MDGA2: variants seen among roughly 807,000 people sequenced by gnomAD.
MDGA2 encodes MAM domain-containing glycosylphosphatidylinositol anchor protein 2.
MDGA2 carries 40 observed loss-of-function variants against 117.8 expected under a neutral mutation model. The observed-to-expected ratio is 0.34, with a 90% CI of 0.26 to 0.44. The LOEUF is 0.44. MDGA2 is among the 20% of genes least tolerant of loss of function. The pLI, the probability that MDGA2 is intolerant of heterozygous loss-of-function variation, is 1.00. For missense variants in MDGA2, 1,123 were observed against 1,250.6 expected (o/e 0.90, Z 1.54); for synonymous variants, 452 against 439.0 (o/e 1.03, Z -0.37).
rs927974025 is a variant in MDGA2 at position 47,175,136 on chromosome 14, C to T, written c.596-30862G>A. 3.3e-5 allele frequency among the ~76,000 whole-genome samples: 5 copies of T among 151,622 alleles called. No homozygotes were observed. The East Asian group carries it at 5.8e-4, about 18-fold the overall frequency. ...TCTCTGAATAGACCAATAACAGGCT[C>T]TGAAATTGTGGCAATAATCAATAGC... On this transcript the variant is annotated intron_variant, in intron 3 of 16. Transcript: ENST00000399232.
At chr14:47,343,151 T>C in intron 1 of MDGA2, 1 of 1,166,120 alleles carries the variant, frequency 8.6e-7, no homozygotes, top group Non-Finnish European at 1.1e-6. Flanking sequence ...GAGGTTACTT[T>C]GAGGACTAAT....
chr14:47,328,337 G>A (rs539683868), intron 1 of MDGA2, among the ~76,000 whole-genome samples: 10 of 152,150 alleles, frequency 6.6e-5, no homozygotes, highest in Admixed American at 5.2e-4. Context: ...TACTAACTCA[G>A]GGAAACTTTA....
intron 9 of MDGA2, among the ~76,000 whole-genome samples, chr14:46,936,283 C>T (rs1351542594): frequency 6.6e-6 from 1 of 151,950 alleles, no homozygotes; most frequent in Non-Finnish European, 1.5e-5. Flanking sequence ...AATCAGAGAA[C>T]AGATATACAC....
intron 1 of MDGA2, among the ~76,000 whole-genome samples, chr14:47,609,428 CATATATATATATATATATATATAT>C (rs3040345): frequency 0.18 from 3,160 of 17,590 alleles, 557 homozygotes; most frequent in African/African-American, 0.37. Flanking sequence ...AGTATTCCAT[CATATATATATATATATATATATAT>C]ATATATATAT....
intron 8 of MDGA2, among the ~76,000 whole-genome samples, chr14:46,993,052 G>A (rs1594504774): frequency 6.6e-6 from 1 of 151,056 alleles, no homozygotes; most frequent in South Asian, 2.1e-4. Flanking sequence ...GTTATTCATT[G>A]TAAATAGTTA....
chr14:47,380,060 T>C (rs931007883), intron 1 of MDGA2, among the ~76,000 whole-genome samples: 6 of 152,176 alleles, frequency 3.9e-5, no homozygotes, highest in Non-Finnish European at 7.3e-5. Context: ...AACCCAGGAT[T>C]GAGAAACTCA....
chr14:46,928,391 T>C (rs571562313), intron 9 of MDGA2, among the ~76,000 whole-genome samples: 2 of 152,228 alleles, frequency 1.3e-5, no homozygotes, highest in South Asian at 2.1e-4. Flanking sequence ...TAAAAGGAAG[T>C]CTTGCCCAGT....
chr14:47,058,866 TAGCCACACTTAGAAC>T (rs1460957122), intron 7 of MDGA2: 6 of 985,398 alleles, frequency 6.1e-6, no homozygotes, highest in Non-Finnish European at 7.2e-6. Flanking sequence ...GCCATCCGTG[TAGCCACACTTAGAAC>T]AGCCCCAAAT....
intron 8 of MDGA2, among the ~76,000 whole-genome samples, chr14:47,013,790 A>ATATC (rs1566574677): frequency 3.8e-5 from 5 of 133,104 alleles, no homozygotes; most frequent in Admixed American, 7.6e-5. Context: ...ATATATATAT[A>ATATC]TATCTCCTTT....
chr14:47,018,733 G>GAAAAAAAAAAAAAAAAAAAAA (rs60442845), intron 8 of MDGA2, among the ~76,000 whole-genome samples: 2 of 38,662 alleles, frequency 5.2e-5, no homozygotes, highest in Non-Finnish European at 5.0e-5. Context: ...CCATTTTACT[G>GAAAAAAAAAAAAAAAAAAAAA]AAAAAAAAAA....
At chr14:47,074,033 C>T (rs150113698) in intron 6 of MDGA2, among the ~76,000 whole-genome samples, 131 of 152,188 alleles carry the variant, frequency 8.6e-4, no homozygotes, top group Non-Finnish European at 1.6e-3. Context: ...TTTTTCCTCA[C>T]AGTAAAGTCT....
Position 47,061,241 on chromosome 14 carries a change from C to T in MDGA2, c.1525+8G>A. 6.2e-7 allele frequency: 1 copy of T among 1,603,174 alleles called. No individual in the cohort carries two copies. The highest frequency in any genetic ancestry group is 8.5e-7 in the Non-Finnish European group (1 of 1,171,352). The stretch of plus-strand genomic sequence containing the variant: ...ACATCTTTTACATCATAAATATATG[C>T]CTCTTACCTGTGCTGCTGGATATAT... On this transcript the variant is annotated splice_region_variant and intron_variant, in intron 7 of 16. Coordinates refer to ENST00000399232, the MANE Select transcript of MDGA2 (RefSeq NM_001113498.3).
At chr14:46,879,941 G>A (rs910445469) in intron 11 of MDGA2, among the ~76,000 whole-genome samples, 1 of 152,056 alleles carries the variant, frequency 6.6e-6, no homozygotes. Context: ...AGCAGGAAAC[G>A]TATACTTAAG....
intron 3 of MDGA2, among the ~76,000 whole-genome samples, chr14:47,173,033 G>A (rs1374008954): frequency 6.6e-6 from 1 of 152,104 alleles, no homozygotes; most frequent in African/African-American, 2.4e-5. Flanking sequence ...GCGATCAACT[G>A]GAAGAAAGGG....
At position 46,982,505 on chromosome 14, in the gene MDGA2, T is replaced by C. The variant is rs181985422; in HGVS notation, c.1820-24862A>G. On this transcript the variant is annotated intron_variant, in intron 8 of 16. Coordinates refer to ENST00000399232, the MANE Select transcript of MDGA2 (RefSeq NM_001113498.3). ...GCAGGCAGATCACGAGGTCAGGAGA[T>C]AGAGACCATCCTGGCCAACATGGTG... is the stretch of plus-strand genomic sequence containing the variant. Among the ~76,000 whole-genome samples, 1,001 of 151,700 alleles carry C rather than the reference T, an allele frequency of 6.6e-3. 9 individuals carry two copies. The highest frequency in any genetic ancestry group is 0.023 in the African/African-American group (941 of 41,382).
intron 1 of MDGA2, among the ~76,000 whole-genome samples, chr14:47,540,123 T>C (rs1001954106): frequency 5.3e-5 from 8 of 152,038 alleles, no homozygotes; most frequent in South Asian, 2.1e-4. Context: ...ACGCCATTCA[T>C]CTGCCTCAGC....
intron 1 of MDGA2, among the ~76,000 whole-genome samples, chr14:47,664,577 C>T (rs1897907887): frequency 6.6e-6 from 1 of 152,206 alleles, no homozygotes; most frequent in Non-Finnish European, 1.5e-5. Flanking sequence ...TGAAGTAACA[C>T]AGTAAAGCAG....
intron 3 of MDGA2, among the ~76,000 whole-genome samples, chr14:47,206,237 A>G (rs1338693828): frequency 6.6e-6 from 1 of 152,012 alleles, no homozygotes; most frequent in Non-Finnish European, 1.5e-5. Context: ...AATTTATAAG[A>G]ACACAATGTT....
chr14:47,365,339 A>G (rs1891209601), intron 1 of MDGA2, among the ~76,000 whole-genome samples: 1 of 152,226 alleles, frequency 6.6e-6, no homozygotes, highest in Non-Finnish European at 1.5e-5. Flanking sequence ...AGCTTGCAGT[A>G]TGCACAGCTG....
Sources: allele counts gnomAD v4.1 joint callset (sites outside exome capture counted in the v4.1 genomes callset), GRCh38; gene constraint gnomAD v4.1.1; transcripts MANE v1.5; gene names NCBI Gene and HGNC (gene_info 2026-07-23, HGNC 2026-07-21).